Variants in CAST observed in about 807,000 individuals in gnomAD.
The protein encoded by CAST is MIR583 host.
In CAST, 76 loss-of-function variants were observed where a neutral mutation model predicts 119.6. The ratio of observed to expected loss-of-function variants is 0.64; its 90% CI spans 0.53 to 0.77. CAST has a LOEUF of 0.77. CAST is among the 30% of genes least tolerant of loss of function. The probability of loss-of-function intolerance (pLI) is 0.00; values close to 1 mark genes in which losing one functional copy is unlikely to be tolerated. For synonymous variants in CAST, 319 were observed against 331.6 expected, an observed-to-expected ratio of 0.96 and a Z score of 0.41; for missense variants, 953 against 946.5, an observed-to-expected ratio of 1.01 and a Z score of -0.09.
chr5:96,175,636 G>C, the CAST span, among the ~76,000 whole-genome samples: 1 of 152,174 alleles, frequency 6.6e-6, no homozygotes, highest in Middle Eastern at 3.2e-3. Flanking sequence ...CTTTCTAAAA[G>C]CGTGACGTTG....
the CAST span, among the ~76,000 whole-genome samples, chr5:96,510,669 A>G: frequency 6.6e-6 from 1 of 152,256 alleles, no homozygotes; most frequent in African/African-American, 2.4e-5. Flanking sequence ...ATTTAATATG[A>G]ACTGTATATT....
chr5:96,571,225 C>A (rs1047376728), intron 1 of CAST, among the ~76,000 whole-genome samples: 5 of 152,116 alleles, frequency 3.3e-5, no homozygotes, highest in African/African-American at 1.2e-4. Flanking sequence ...TCTTCACTTC[C>A]GTAGAGATAG....
intron 1 of CAST, among the ~76,000 whole-genome samples, chr5:96,576,839 T>C (rs895492836): frequency 6.6e-6 from 1 of 152,058 alleles, no homozygotes; most frequent in Non-Finnish European, 1.5e-5. Flanking sequence ...AGTTTTATTT[T>C]TTAAGTTCCA....
intron 7 of CAST, 93 bp downstream of exon 7, chr5:96,729,302 A>G (rs557740355): frequency 5.5e-6 from 4 of 729,608 alleles, no homozygotes; most frequent in Non-Finnish European, 9.5e-6. Context: ...AATCCCTACA[A>G]TGGATAGTTG....
the CAST span, among the ~76,000 whole-genome samples, chr5:96,489,553 G>A: frequency 6.6e-6 from 1 of 152,176 alleles, no homozygotes; most frequent in African/African-American, 2.4e-5. Context: ...AGGACCCAGG[G>A]ACACTCAATA....
intron 1 of CAST, among the ~76,000 whole-genome samples, chr5:96,647,571 T>C (rs1748030131): frequency 6.6e-6 from 1 of 152,156 alleles, no homozygotes; most frequent in African/African-American, 2.4e-5. Context: ...TATTTGGAGA[T>C]AGGGTTTTTA....
intron 1 of CAST, among the ~76,000 whole-genome samples, chr5:96,575,057 T>C (rs1746645025): frequency 6.6e-6 from 1 of 152,198 alleles, no homozygotes; most frequent in Non-Finnish European, 1.5e-5. Flanking sequence ...GTGATATGTC[T>C]CTCCATTTAT....
At chr5:96,152,760 C>G in the CAST span, among the ~76,000 whole-genome samples, 86 of 134,508 alleles carry the variant, frequency 6.4e-4, no homozygotes, top group Middle Eastern at 3.6e-3. Context: ...AAAAAATCAA[C>G]TATTTTCATT....
At chr5:96,278,644 T>C in the CAST span, 15 of 152,150 alleles carry the variant, frequency 9.9e-5, no homozygotes, top group African/African-American at 3.6e-4. Flanking sequence ...GAGGAAGATG[T>C]CCCCTGCCTA....
At chr5:96,404,291 G>A in the CAST span, among the ~76,000 whole-genome samples, 3 of 152,150 alleles carry the variant, frequency 2.0e-5, no homozygotes, top group African/African-American at 7.2e-5. Context: ...TGGGAGATTT[G>A]TTAAAAAAGG....
intron 1 of CAST, among the ~76,000 whole-genome samples, chr5:96,587,332 C>T (rs1201290832): frequency 6.6e-6 from 1 of 152,168 alleles, no homozygotes; most frequent in Non-Finnish European, 1.5e-5. Flanking sequence ...ATAATGCACT[C>T]CAACATTCAA....
At chr5:96,101,749 C>T in the CAST span, among the ~76,000 whole-genome samples, 2 of 152,194 alleles carry the variant, frequency 1.3e-5, no homozygotes, top group Non-Finnish European at 2.9e-5. Context: ...GAGTTCAAGA[C>T]CAGCCTGAGC....
chr5:96,265,237 C>T, the CAST span, among the ~76,000 whole-genome samples: 2 of 151,924 alleles, frequency 1.3e-5, no homozygotes, highest in Admixed American at 6.6e-5. Context: ...TCAGTGTTCT[C>T]CGGAGAAACA....
At chr5:96,183,160 A>AATAAAAT in the CAST span, among the ~76,000 whole-genome samples, 1 of 143,270 alleles carries the variant, frequency 7.0e-6, no homozygotes, top group African/African-American at 2.6e-5. Context: ...AAAATAAATA[A>AATAAAAT]AATAATAATA....
chr5:95,965,831 G>C, the CAST span, among the ~76,000 whole-genome samples: 2 of 152,266 alleles, frequency 1.3e-5, no homozygotes, highest in South Asian at 4.1e-4. Context: ...TATAGTTAGG[G>C]CATAGATTTT....
At chr5:96,017,058 G>A in the CAST span, among the ~76,000 whole-genome samples, 2,521 of 152,010 alleles carry the variant, frequency 0.017, 76 homozygotes, top group African/African-American at 0.058. Context: ...GGATGGTCTC[G>A]ATCTCCTGAA....
At chr5:96,410,604 G>T in the CAST span, among the ~76,000 whole-genome samples, 1 of 152,116 alleles carries the variant, frequency 6.6e-6, no homozygotes. Flanking sequence ...TCCCTGGAGA[G>T]AAAACTTTCT....
At chr5:96,771,774 A>G (rs1365798707) in intron 31 of CAST, 72 bp downstream of exon 31, 10 of 900,862 alleles carry the variant, frequency 1.1e-5, no homozygotes, top group Non-Finnish European at 1.8e-5. Flanking sequence ...AGATGAGAGA[A>G]GTGAAGTCCA....
chr5:96,741,613 TTCC>T, intron 15 of CAST, 33 bp downstream of exon 15: 2 of 1,430,774 alleles, frequency 1.4e-6, no homozygotes, highest in Non-Finnish European at 2.0e-6. Flanking sequence ...AGCAGTTGCT[TTCC>T]AGAGCCTGAT....
Sources: allele counts gnomAD v4.1 joint callset (sites outside exome capture counted in the v4.1 genomes callset), GRCh38; gene constraint gnomAD v4.1.1; transcripts MANE v1.5; gene names NCBI Gene and HGNC (gene_info 2026-07-23, HGNC 2026-07-21).